KLHL13: variants seen among roughly 807,000 people sequenced by gnomAD.
KLHL13 encodes the protein kelch-like protein 13.
Under a neutral mutation model 37.1 loss-of-function variants are expected in KLHL13, and 10 were observed. The observed-to-expected ratio is 0.27, with a 90% confidence interval of 0.17 to 0.46. The LOEUF is 0.46. Among genes scored for constraint, KLHL13 ranks in the 20% least tolerant of loss-of-function variants. The pLI is 1.00. For missense variants in KLHL13, 360 were observed against 509.3 expected (o/e 0.71, Z 2.82); for synonymous variants, 163 against 181.2 (o/e 0.90, Z 0.81).
chrX:118,005,878 A>G (rs1431393288), intron 1 of KLHL13, among the ~76,000 whole-genome samples: 1 of 112,483 alleles, frequency 8.9e-6, no homozygotes, highest in African/African-American at 3.2e-5. Flanking sequence ...ATAGCTGGAA[A>G]GAAATTGTGT....
chrX:118,046,186 C>T (rs1313443767), intron 1 of KLHL13, among the ~76,000 whole-genome samples: 3 of 112,700 alleles, frequency 2.7e-5, no homozygotes, highest in African/African-American at 9.7e-5. Flanking sequence ...AGTACATATA[C>T]ACAATGGAGT....
rs776489980 is a variant in KLHL13 at position 117,921,585 on chromosome X, T to C, written c.241-1215A>G. On this transcript the variant is annotated intron_variant, in intron 2 of 6. Coordinates refer to ENST00000262820, the Ensembl canonical transcript of KLHL13. ...ATACACAAATTGCTTTCTAATAATA[T>C]AATACAGTAAGAACCAACAGCATTG... Among the ~76,000 whole-genome samples, 6 of 111,843 alleles carry C rather than the reference T, an allele frequency of 5.4e-5. No individual in the cohort carries two copies. In the Admixed American group the frequency reaches 5.7e-4, roughly 11 times the overall value.
rs773544443 is a variant in KLHL13 at position 118,091,022 on chromosome X, G to A, written c.-56+25486C>T. On this transcript the variant is annotated intron_variant, in intron 1 of 6. Coordinates refer to the KLHL13 transcript ENST00000371882. ...AAACCATCATTCTCAGCAAACTATC[G>A]CAAGGACAAAAAACCAAACACCGCA... is the stretch of plus-strand genomic sequence containing the variant. Among the ~76,000 whole-genome samples the A allele has an allele frequency of 8.7e-3, 911 of 104,823 alleles. 14 individuals are homozygous for A. Among genetic ancestry groups the A allele is most frequent in the African/African-American group, 0.03 (856 of 28,630 alleles). 91.0% of individuals were successfully genotyped at this position (104,823 alleles called of 115,157 possible).
At chrX:117,936,854 A>G (rs941759403) in intron 2 of KLHL13, among the ~76,000 whole-genome samples, 8 of 112,005 alleles carry the variant, frequency 7.1e-5, no homozygotes, top group Non-Finnish European at 1.5e-4. Flanking sequence ...TATTTCCATA[A>G]ATTGTGACAC....
intron 4 of KLHL13, among the ~76,000 whole-genome samples, chrX:117,914,561 G>A (rs757889655): frequency 8.9e-5 from 10 of 111,744 alleles, no homozygotes; most frequent in Admixed American, 2.9e-4. Flanking sequence ...TCAGCAGGCA[G>A]AGAATGTACA....
intron 1 of KLHL13, among the ~76,000 whole-genome samples, chrX:118,033,979 C>A (rs1382797131): frequency 1.0e-5 from 1 of 99,311 alleles, no homozygotes; most frequent in Non-Finnish European, 2.0e-5. Context: ...CAACAAAGAT[C>A]AAAAGAGACA....
intron 2 of KLHL13, among the ~76,000 whole-genome samples, chrX:117,940,114 T>C (rs1238777584): frequency 8.9e-6 from 1 of 112,062 alleles, no homozygotes; most frequent in Non-Finnish European, 1.9e-5. Flanking sequence ...AAGTTAATTT[T>C]TGTATAAGGT....
chrX:118,095,069 T>G (rs2055186637), intron 1 of KLHL13, among the ~76,000 whole-genome samples: 2 of 111,646 alleles, frequency 1.8e-5, no homozygotes, highest in Non-Finnish European at 3.8e-5. Flanking sequence ...ATGGGCTAAA[T>G]GCTCCAATTA....
At chrX:117,939,506 A>C (rs1050099082) in intron 2 of KLHL13, among the ~76,000 whole-genome samples, 2 of 112,134 alleles carry the variant, frequency 1.8e-5, no homozygotes, top group Non-Finnish European at 3.8e-5. Context: ...ATCCTTGATG[A>C]ATCACCACAC....
rs761321629 is a variant in KLHL13 at position 117,945,430 on chromosome X, T to C, written c.240+4A>G. 2 of 1,206,854 alleles carry C rather than the reference T, an allele frequency of 1.7e-6. No homozygotes were observed. Among genetic ancestry groups the C allele is most frequent in the Non-Finnish European group, 2.2e-6 (2 of 893,049 alleles). ...AACACTACCAAAGAGACAGCTTAAA[T>C]TACCTGTAACACCACAGAACTGTGG... is the stretch of plus-strand genomic sequence containing the variant. On this transcript the variant is annotated splice_donor_region_variant and intron_variant, in intron 2 of 6. Transcript: ENST00000262820.
intron 1 of KLHL13, among the ~76,000 whole-genome samples, chrX:118,086,254 CT>C (rs911186042): frequency 1.0e-4 from 11 of 110,161 alleles, no homozygotes; most frequent in African/African-American, 3.0e-4. Flanking sequence ...TATATAATGG[CT>C]TTTTTTTTCC....
At chrX:117,914,767 T>C (rs942505933) in intron 4 of KLHL13, among the ~76,000 whole-genome samples, 53 of 112,516 alleles carry the variant, frequency 4.7e-4, no homozygotes, top group African/African-American at 1.6e-3. Flanking sequence ...AATTCTCTAT[T>C]TATTTGCACT....
At chrX:117,985,135 A>G (rs2053708942) in intron 1 of KLHL13, 1 of 531,018 alleles carries the variant, frequency 1.9e-6, no homozygotes, top group South Asian at 4.7e-5. Context: ...ATACATCTAA[A>G]ATTGATTTTT....
intron 1 of KLHL13, among the ~76,000 whole-genome samples, chrX:118,110,576 A>C (rs2055399655): frequency 1.8e-5 from 2 of 108,928 alleles, no homozygotes; most frequent in Admixed American, 2.0e-4. Flanking sequence ...ACAGGGTTTC[A>C]CCATGTTGGT....
chrX:117,945,640 T>A, intron 1 of KLHL13, 65 bp from the exon 3 acceptor site: 11 of 973,754 alleles, frequency 1.1e-5, no homozygotes, highest in Non-Finnish European at 1.6e-5. Flanking sequence ...AATGAGATTA[T>A]TTAGAAAAAT....
Position 118,045,329 on chromosome X carries a change from G to A in KLHL13, c.-56+71179C>T, listed in dbSNP as rs199713802. On this transcript the variant is annotated intron_variant, in intron 1 of 6. Coordinates refer to the KLHL13 transcript ENST00000371882. ...GTGGAGCTTGCAGTGAACCAAGATC[G>A]CGCCACTGCACTCCAGCCTAGGCGA... Among the ~76,000 whole-genome samples, 35 of 101,831 alleles carry A rather than the reference G, an allele frequency of 3.4e-4. No individual in the cohort carries two copies. In the East Asian group the frequency reaches 3.7e-3, roughly 11 times the overall value. The allele number at this position is 101,831 out of a possible 115,157, so 88.4% of individuals were successfully genotyped here. A position where few individuals can be genotyped will look rare whatever the true frequency, so the allele number is the denominator to read the frequency against.
chrX:117,961,858 C>T (rs1346345317), intron 1 of KLHL13, among the ~76,000 whole-genome samples: 1 of 110,433 alleles, frequency 9.1e-6, no homozygotes, highest in Non-Finnish European at 1.9e-5. Flanking sequence ...GCCTTGCTGA[C>T]ATTTTTATTT....
At chrX:118,099,919 A>AAAGGAAGGAAGAAAGGAAGGAAGG (rs2055268185) in intron 1 of KLHL13, among the ~76,000 whole-genome samples, 190 of 102,187 alleles carry the variant, frequency 1.9e-3, no homozygotes, top group African/African-American at 7.1e-3. Flanking sequence ...AGGAAGGAAG[A>AAAGGAAGGAAGAAAGGAAGGAAGG]AAGGAAGGAA....
At chrX:118,110,472 T>C (rs985322247) in intron 1 of KLHL13, among the ~76,000 whole-genome samples, 4 of 101,243 alleles carry the variant, frequency 4.0e-5, no homozygotes, top group Non-Finnish European at 7.9e-5. Flanking sequence ...TCCAACTCCC[T>C]GTCTCAAGCG....
Sources: gnomAD v4.1 joint callset for allele counts (sites outside exome capture counted in the v4.1 genomes callset) on GRCh38, gnomAD v4.1.1 for gene constraint, MANE v1.5 for transcripts, NCBI Gene and HGNC (gene_info 2026-07-23, HGNC 2026-07-21) for gene names.